Variants in CSMD1 observed in about 807,000 individuals in gnomAD.
CSMD1 encodes the protein CUB and Sushi multiple domains 1, also known as CUB and sushi domain-containing protein 1.
In CSMD1, 213 loss-of-function variants were observed where a neutral mutation model predicts 417.5. The observed-to-expected ratio is 0.51, with a 90% CI of 0.46 to 0.57. The LOEUF (loss-of-function observed/expected upper bound fraction) is 0.57, where lower values mean the gene tolerates loss of function less well. Ranked by LOEUF, CSMD1 falls within the 20% of genes least tolerant of loss-of-function variation. The probability of loss-of-function intolerance (pLI) is 0.00; values close to 1 mark genes in which losing one functional copy is unlikely to be tolerated. For missense variants in CSMD1, 6,923 were observed against 4,529.7 expected (o/e 1.53, Z -15.17); for synonymous variants, 2,862 against 1,736.8 (o/e 1.65, Z -16.11).
chr8:3,256,091 G>A (rs916701551), intron 26 of CSMD1, among the ~76,000 whole-genome samples: 4 of 152,082 alleles, frequency 2.6e-5, no homozygotes, highest in Non-Finnish European at 5.9e-5. Context: ...ACTTTGGGGG[G>A]CTGAGGCAGA....
At chr8:3,105,300 G>T (rs1285362866) in intron 46 of CSMD1, among the ~76,000 whole-genome samples, 1 of 148,546 alleles carries the variant, frequency 6.7e-6, no homozygotes, top group Non-Finnish European at 1.5e-5. Flanking sequence ...GGCCCTTATA[G>T]CTGTGTCACT....
intron 23 of CSMD1, among the ~76,000 whole-genome samples, chr8:3,313,224 C>G (rs949668234): frequency 1.3e-5 from 2 of 152,160 alleles, no homozygotes; most frequent in Non-Finnish European, 2.9e-5. Flanking sequence ...GACTTCATGT[C>G]TAAAACACCA....
intron 2 of CSMD1, among the ~76,000 whole-genome samples, chr8:4,628,644 C>G (rs957127028): frequency 1.3e-5 from 2 of 151,534 alleles, no homozygotes; most frequent in Non-Finnish European, 3.0e-5. Flanking sequence ...CATGCCCTGC[C>G]AGGGACACTA....
chr8:4,392,840 C>T lies in CSMD1; in HGVS notation c.415+27113G>A, dbSNP rs566219372. Reference sequence around the variant, plus strand: ...AATATTAGCCGGGTGTGGTGGCAGGCACCTGTAATCCCAGCTACCCAGGGA... The same window carrying T: ...AATATTAGCCGGGTGTGGTGGCAGGTACCTGTAATCCCAGCTACCCAGGGA... On this transcript the variant is annotated intron_variant, in intron 3 of 69. Coordinates refer to ENST00000635120, the MANE Select transcript of CSMD1 (RefSeq NM_033225.6). Among the ~76,000 whole-genome samples, 583 of 151,810 alleles carry T rather than the reference C, an allele frequency of 3.8e-3. 2 individuals carry two copies. The highest frequency in any genetic ancestry group is 0.013 in the African/African-American group (555 of 41,436).
intron 25 of CSMD1, among the ~76,000 whole-genome samples, chr8:3,288,741 A>T (rs1259874478): frequency 6.8e-6 from 1 of 146,612 alleles, no homozygotes; most frequent in East Asian, 2.0e-4. Flanking sequence ...TGATCTTTTC[A>T]AAAAACCAGC....
intron 50 of CSMD1, among the ~76,000 whole-genome samples, chr8:3,044,815 A>T (rs947606534): frequency 1.3e-5 from 2 of 152,202 alleles, no homozygotes; most frequent in Non-Finnish European, 2.9e-5. Flanking sequence ...TTATCTCTTG[A>T]GATTCAGTGT....
intron 1 of CSMD1, among the ~76,000 whole-genome samples, chr8:4,663,408 G>C (rs903926612): frequency 6.6e-6 from 1 of 152,164 alleles, no homozygotes; most frequent in Non-Finnish European, 1.5e-5. Context: ...GATTGGTTTG[G>C]GTCAATGTCC....
chr8:3,326,814 T>C (rs1214907444), intron 23 of CSMD1, among the ~76,000 whole-genome samples: 2 of 152,222 alleles, frequency 1.3e-5, no homozygotes, highest in Non-Finnish European at 1.5e-5. Context: ...TCTTTTCTTA[T>C]AGCAGAAGTG....
rs368699791 is a variant in CSMD1 at position 4,259,445 on chromosome 8, T to C, written c.415+160508A>G. On this transcript the variant is annotated intron_variant, in intron 3 of 69. Coordinates refer to ENST00000635120, the MANE Select transcript of CSMD1 (RefSeq NM_033225.6). ...TATACCAGGACCCATCCCAGCGCTA[T>C]GAAAATGCCTTAAGCTTTAGGCTTA... Among the ~76,000 whole-genome samples, 7 of 152,152 alleles carry C rather than the reference T, an allele frequency of 4.6e-5. No individual in the cohort carries two copies. In the East Asian group the frequency reaches 1.2e-3, roughly 25 times the overall value.
chr8:4,561,156 G>C (rs982334100), intron 2 of CSMD1, among the ~76,000 whole-genome samples: 2 of 152,142 alleles, frequency 1.3e-5, no homozygotes, highest in Non-Finnish European at 2.9e-5. Flanking sequence ...TGGATCATGA[G>C]GTCAGGAGAT....
At chr8:3,043,074 C>CGA (rs1811215827) in intron 50 of CSMD1, among the ~76,000 whole-genome samples, 2 of 140,648 alleles carry the variant, frequency 1.4e-5, no homozygotes, top group African/African-American at 5.3e-5. Flanking sequence ...TACTATAATG[C>CGA]ATATAGTACA....
chr8:4,788,417 C>G (rs1797522944), intron 1 of CSMD1: 1 of 1,341,596 alleles, frequency 7.5e-7, no homozygotes, highest in African/African-American at 1.5e-5. Context: ...TTTGACTACC[C>G]AGGGTCTTGG....
chr8:3,000,867 G>A (rs905804311), intron 52 of CSMD1, among the ~76,000 whole-genome samples: 3 of 152,220 alleles, frequency 2.0e-5, no homozygotes, highest in Non-Finnish European at 4.4e-5. Context: ...AGGGGAGACA[G>A]AATGTCCATG....
chr8:4,354,644 C>G (rs535504498), intron 3 of CSMD1, among the ~76,000 whole-genome samples: 3 of 152,050 alleles, frequency 2.0e-5, no homozygotes, highest in African/African-American at 4.8e-5. Context: ...AAAATAAACA[C>G]ATGAACATCT....
intron 12 of CSMD1, among the ~76,000 whole-genome samples, chr8:3,445,357 T>C (rs1207905532): frequency 6.6e-6 from 1 of 152,164 alleles, no homozygotes; most frequent in Non-Finnish European, 1.5e-5. Flanking sequence ...CGTGTATACA[T>C]ATATGTTACC....
At chr8:4,550,432 A>G (rs1676798639) in intron 2 of CSMD1, among the ~76,000 whole-genome samples, 1 of 151,962 alleles carries the variant, frequency 6.6e-6, no homozygotes, top group Non-Finnish European at 1.5e-5. Context: ...CTTGGCTATT[A>G]AAAAAACTGT....
chr8:4,398,592 T>A (rs926980208), intron 3 of CSMD1, among the ~76,000 whole-genome samples: 1 of 151,980 alleles, frequency 6.6e-6, no homozygotes, highest in Non-Finnish European at 1.5e-5. Flanking sequence ...AGACGGGGTT[T>A]CACCGTGTTA....
chr8:3,304,209 G>A (rs955064845), intron 25 of CSMD1, among the ~76,000 whole-genome samples: 1 of 152,138 alleles, frequency 6.6e-6, no homozygotes, highest in Admixed American at 6.5e-5. Context: ...ATTTTAAAGA[G>A]CTAAATTAAT....
intron 2 of CSMD1, among the ~76,000 whole-genome samples, chr8:4,552,574 C>T (rs1046435156): frequency 3.3e-5 from 5 of 151,974 alleles, no homozygotes; most frequent in African/African-American, 9.7e-5. Context: ...TCTTGGGCAT[C>T]CGGTTCTCCT....
Sources: allele counts gnomAD v4.1 joint callset (sites outside exome capture counted in the v4.1 genomes callset), GRCh38; gene constraint gnomAD v4.1.1; transcripts MANE v1.5; gene names NCBI Gene and HGNC (gene_info 2026-07-23, HGNC 2026-07-21).